MARK2: variants seen among roughly 807,000 people sequenced by gnomAD.
MARK2 encodes serine/threonine-protein kinase MARK2.
MARK2 carries 16 observed loss-of-function variants against 89.8 expected under a neutral mutation model. The ratio of observed to expected loss-of-function variants is 0.18; its 90% CI spans 0.12 to 0.27. The LOEUF (loss-of-function observed/expected upper bound fraction) is 0.27, where lower values mean the gene tolerates loss of function less well. MARK2 is among the 10% of genes least tolerant of loss of function. MARK2 has a pLI of 1.00. For missense variants in MARK2, 621 were observed against 1,049.9 expected (o/e 0.59, Z 5.65); for synonymous variants, 382 against 399.5 (o/e 0.96, Z 0.52).
In MARK2 at chr11:63,890,206, C is replaced by A. The variant is rs757376949; in HGVS notation, c.55-4953C>A. ...CTCCTCTCTTTTCCCTTTTTCTTTT[C>A]TCTGCTTCCTTCCAGTGGCTTGCCT... On this transcript the variant is annotated intron_variant, in intron 1 of 18. Coordinates refer to ENST00000402010, the MANE Select transcript of MARK2 (RefSeq NM_001039469.3). 7.5e-6 allele frequency: 10 copies of A among 1,341,530 alleles called. No homozygotes were observed. In the South Asian group the frequency reaches 1.0e-4, roughly 14 times the overall value. The allele number at this position is 1,341,530 out of a possible 1,614,324, so 83.1% of individuals were successfully genotyped here. A position where few individuals can be genotyped will look rare whatever the true frequency, so the allele number is the denominator to read the frequency against.
At chr11:63,874,252 C>T (rs1289135575) in intron 1 of MARK2, among the ~76,000 whole-genome samples, 2 of 152,228 alleles carry the variant, frequency 1.3e-5, no homozygotes, top group African/African-American at 2.4e-5. Context: ...AATTACTTTC[C>T]TCCTGATTCC....
At chr11:63,858,106 A>T (rs1203888290) in intron 1 of MARK2, among the ~76,000 whole-genome samples, 1 of 152,140 alleles carries the variant, frequency 6.6e-6, no homozygotes, top group African/African-American at 2.4e-5. Flanking sequence ...AGCTCACTAC[A>T]ACCTCTGCCT....
At chr11:63,887,670 G>T (rs751068632) in intron 1 of MARK2, among the ~76,000 whole-genome samples, 2 of 152,196 alleles carry the variant, frequency 1.3e-5, no homozygotes, top group African/African-American at 2.4e-5. Context: ...ATGAGAAATT[G>T]TTCTGAGAAC....
chr11:63,864,956 G>GT (rs1363541952), intron 1 of MARK2, among the ~76,000 whole-genome samples: 1 of 152,064 alleles, frequency 6.6e-6, no homozygotes, highest in African/African-American at 2.4e-5. Context: ...CTGTAGTACA[G>GT]TGACGCAGTC....
chr11:63,858,366 A>AT (rs921643929), intron 1 of MARK2, among the ~76,000 whole-genome samples: 52 of 141,876 alleles, frequency 3.7e-4, no homozygotes, highest in South Asian at 3.3e-3. Context: ...CTCAGTTGTA[A>AT]TTTTTTTTTT....
intron 1 of MARK2, among the ~76,000 whole-genome samples, chr11:63,843,738 C>G (rs1164276352): frequency 1.3e-5 from 2 of 152,094 alleles, no homozygotes; most frequent in Non-Finnish European, 2.9e-5. Flanking sequence ...ATTCTCCTGC[C>G]TCAGCCTCCT....
chr11:63,900,785 C>T lies in MARK2; in HGVS notation c.894C>T (p.Ile298=). The T allele has an allele frequency of 6.2e-7, 1 of 1,614,124 alleles. No individual in the cohort carries two copies. Among genetic ancestry groups the T allele is most frequent in the South Asian group, 1.1e-5 (1 of 91,072 alleles). ...NPSKRGTLEQ[I]MKDRWMNVGH... is the part of the protein sequence containing the mutation. The stretch of plus-strand genomic sequence containing the variant: ...TCCTTCTCTGTGCTCCCCAGCAAAT[C>T]ATGAAAGATCGATGGATGAATGTGG... Residue 298 remains isoleucine, a synonymous_variant, in exon 10 of 19, where the codon ATC becomes ATT. Transcript: ENST00000402010. The surrounding 1 kb of genome is among the most constrained non-coding windows in gnomAD (Gnocchi z 4.7).
chr11:63,888,480 T>C, intron 1 of MARK2: 1 of 1,006,644 alleles, frequency 9.9e-7, no homozygotes, highest in Non-Finnish European at 1.2e-6. Flanking sequence ...GGCTGCCCAC[T>C]TCCGGGGAGG....
chr11:63,878,887 C>A (rs555635309), intron 1 of MARK2, among the ~76,000 whole-genome samples: 30 of 152,320 alleles, frequency 2.0e-4, no homozygotes, highest in African/African-American at 7.0e-4. Flanking sequence ...GAGAACACAG[C>A]TACCATTTGT....
At chr11:63,844,315 A>G (rs1192703391) in intron 1 of MARK2, among the ~76,000 whole-genome samples, 1 of 152,172 alleles carries the variant, frequency 6.6e-6, no homozygotes, top group East Asian at 1.9e-4. Context: ...CTCCATCTCT[A>G]CAAAAAAATT....
At position 63,906,006 on chromosome 11, in the gene MARK2, C is replaced by T. The variant is rs763242117; in HGVS notation, c.1935-82C>T. ...CTTGAACCTGTAAAGCCACCTCCCC[C>T]ACCTGCTTATCCACATACCGTCTTG... On this transcript the variant is annotated intron_variant, in intron 16 of 18. Coordinates refer to ENST00000402010, the MANE Select transcript of MARK2 (RefSeq NM_001039469.3). 4.2e-6 allele frequency: 5 copies of T among 1,193,680 alleles called. No homozygotes were observed. The South Asian group carries it at 8.2e-5, about 20-fold the overall frequency. The allele number at this position is 1,193,680 out of a possible 1,614,324, so 73.9% of individuals were successfully genotyped here. A position where few individuals can be genotyped will look rare whatever the true frequency, so the allele number is the denominator to read the frequency against.
chr11:63,892,496 T>A (rs1939948788), intron 1 of MARK2, among the ~76,000 whole-genome samples: 1 of 152,118 alleles, frequency 6.6e-6, no homozygotes, highest in African/African-American at 2.4e-5. Flanking sequence ...TTTTGAGTGC[T>A]TCACGTACAG....
At chr11:63,893,560 A>G (rs888030633) in intron 1 of MARK2, among the ~76,000 whole-genome samples, 1 of 151,906 alleles carries the variant, frequency 6.6e-6, no homozygotes, top group Non-Finnish European at 1.5e-5. Flanking sequence ...TCTTTTGTAT[A>G]TACTGAGGAG....
chr11:63,870,352 C>A (rs879335531), intron 1 of MARK2, among the ~76,000 whole-genome samples: 4 of 152,160 alleles, frequency 2.6e-5, no homozygotes, highest in African/African-American at 4.8e-5. Context: ...GGATTGCAGA[C>A]ATGAGCCGTG....
Position 63,902,435 on chromosome 11 carries a change from C to T in MARK2, c.1234+105C>T. 1.3e-6 allele frequency: 2 copies of T among 1,503,054 alleles called. No homozygotes were observed. The highest frequency in any genetic ancestry group is 9.2e-7 in the Non-Finnish European group (1 of 1,090,068). The allele number at this position is 1,503,054 out of a possible 1,614,324, so 93.1% of individuals were successfully genotyped here. ...CAACTAAGTTTCAGTCCTGGTTCAG[C>T]CACTTATTAGTAGTGTGGCTATGGG... On this transcript the variant is annotated intron_variant, in intron 12 of 18. Coordinates refer to ENST00000402010, the MANE Select transcript of MARK2 (RefSeq NM_001039469.3). This position sits in a 1 kb window ranked among gnomAD's most constrained non-coding sequence, Gnocchi z 4.2.
Position 63,905,738 on chromosome 11 carries a change from C to T in MARK2, c.1935-350C>T, listed in dbSNP as rs140244669. On this transcript the variant is annotated intron_variant, in intron 16 of 18. Transcript: ENST00000402010. ...AACTGGCTGGCCTCCTGGGATGCTCCGCATCCCCATCCTGCCATTCCTCTC... is the reference window on the plus strand; with the variant it reads ...AACTGGCTGGCCTCCTGGGATGCTCTGCATCCCCATCCTGCCATTCCTCTC... Among the ~76,000 whole-genome samples, 235 of 152,368 alleles carry T rather than the reference C, an allele frequency of 1.5e-3. 1 individual carries two copies. Among genetic ancestry groups the T allele is most frequent in the African/African-American group, 5.0e-3 (209 of 41,596 alleles).
chr11:63,910,447 C>G lies in MARK2; in HGVS notation c.*1210C>G, dbSNP rs1487390302. The G allele has an allele frequency of 6.6e-6, 1 of 152,178 alleles. No individual in the cohort carries two copies. The highest frequency in any genetic ancestry group is 2.4e-5 in the African/African-American group (1 of 41,450). The allele number at this position is 152,178 out of a possible 1,614,324, so 9.4% of individuals were successfully genotyped here. A position where few individuals can be genotyped will look rare whatever the true frequency, so the allele number is the denominator to read the frequency against. Reference sequence around the variant, plus strand: ...GGGGGACAGATAGGCTAAGCGACTCCCAGCTTGCTACCCTCAGTGGCCAGT... The same window carrying G: ...GGGGGACAGATAGGCTAAGCGACTCGCAGCTTGCTACCCTCAGTGGCCAGT... On this transcript the variant is annotated 3_prime_UTR_variant, in exon 19 of 19. Coordinates refer to ENST00000402010, the MANE Select transcript of MARK2 (RefSeq NM_001039469.3).
chr11:63,855,527 C>CAAAAAAAAAAAAA (rs34126066), intron 1 of MARK2, among the ~76,000 whole-genome samples: 1 of 91,920 alleles, frequency 1.1e-5, no homozygotes, highest in Non-Finnish European at 2.4e-5. Context: ...ATTTCAAAAA[C>CAAAAAAAAAAAAA]AAAAAAAAAA....
intron 1 of MARK2, among the ~76,000 whole-genome samples, chr11:63,881,660 A>G (rs966090670): frequency 1.4e-4 from 22 of 152,110 alleles, no homozygotes; most frequent in Non-Finnish European, 2.6e-4. Flanking sequence ...CAAGAAATCA[A>G]TGGGGCTGGG....
Sources: allele counts gnomAD v4.1 joint callset (sites outside exome capture counted in the v4.1 genomes callset), GRCh38; gene constraint gnomAD v4.1.1; non-coding constraint Gnocchi (gnomAD v3.1); transcripts MANE v1.5; gene names NCBI Gene and HGNC (gene_info 2026-07-23, HGNC 2026-07-21).